Variants in TVP23A observed in about 807,000 individuals in gnomAD.
TVP23A encodes the protein trans-golgi network vesicle protein 23 homolog A, also known as Golgi apparatus membrane protein TVP23 homolog A.
TVP23A carries 21 observed loss-of-function variants against 31.7 expected under a neutral mutation model. The observed-to-expected ratio is 0.66, with a 90% CI of 0.47 to 0.95. TVP23A has a LOEUF of 0.95. Among genes scored for constraint, TVP23A ranks in the 40% least tolerant of loss-of-function variants. The probability of loss-of-function intolerance (pLI) is 0.00; values close to 1 mark genes in which losing one functional copy is unlikely to be tolerated. For synonymous variants in TVP23A, 104 were observed against 96.0 expected (o/e 1.08, Z -0.49); for missense variants, 279 against 255.6 (o/e 1.09, Z -0.62).
chr16:10,818,297 A>ACCCTCCGAGCTGGCGGGGC lies in TVP23A; in HGVS notation c.10-134_10-116dup. On this transcript the variant is annotated intron_variant, in intron 1 of 7. Transcript: ENST00000299866. This position sits in a 1 kb window ranked among gnomAD's most constrained non-coding sequence, Gnocchi z 4.7. ...TGCACCCCACCGGGTTCCCAAGTGG[A>ACCCTCCGAGCTGGCGGGGC]CCCTCCGAGCTGGCGGGGCCCCTCC... The ACCCTCCGAGCTGGCGGGGC allele has an allele frequency of 8.8e-7, 1 of 1,141,410 alleles. No homozygotes were observed. The highest frequency in any genetic ancestry group is 1.2e-6 in the Non-Finnish European group (1 of 834,814). The allele number at this position is 1,141,410 out of a possible 1,614,324, so 70.7% of individuals were successfully genotyped here. A position where few individuals can be genotyped will look rare whatever the true frequency, so the allele number is the denominator to read the frequency against.
rs1300315674 is a variant in TVP23A at position 10,770,346 on chromosome 16, G to C, written c.583-15C>G. On this transcript the variant is annotated splice_polypyrimidine_tract_variant and intron_variant, in intron 6 of 7. Transcript: ENST00000299866. ...CCTGGGCAGGCCTGCAAGGGGAAAA[G>C]TCAACCATGGTTTTCTGTCCTTACA... is the stretch of plus-strand genomic sequence containing the variant. 3 of 1,550,552 alleles carry C rather than the reference G, an allele frequency of 1.9e-6. No individual in the cohort carries two copies. Among genetic ancestry groups the C allele is most frequent in the Non-Finnish European group, 2.6e-6 (3 of 1,146,762 alleles).
rs60187049 is a variant in TVP23A at position 10,818,711 on chromosome 16, C to A, written c.-218G>T. On this transcript the variant is annotated 5_prime_UTR_variant, in exon 1 of 8. Coordinates refer to ENST00000299866, the MANE Select transcript of TVP23A (RefSeq NM_001079512.4). The surrounding 1 kb of genome is among the most constrained non-coding windows in gnomAD (Gnocchi z 4.7). Reference sequence around the variant, plus strand: ...GTCGCAGGCTGGGGAGGGGGCTCGGCTCGCCGGGGACGCGCCCAGGAGAGA... The same window carrying A: ...GTCGCAGGCTGGGGAGGGGGCTCGGATCGCCGGGGACGCGCCCAGGAGAGA... 1,891 of 527,100 alleles carry A rather than the reference C, an allele frequency of 3.6e-3. 29 individuals carry two copies. The highest frequency in any genetic ancestry group is 0.035 in the African/African-American group (1,703 of 49,288). 32.7% of individuals were successfully genotyped at this position (527,100 alleles called of 1,614,324 possible).
intron 2 of TVP23A, among the ~76,000 whole-genome samples, chr16:10,776,751 G>A (rs1441789935): frequency 6.6e-6 from 1 of 152,176 alleles, no homozygotes; most frequent in Non-Finnish European, 1.5e-5. Flanking sequence ...GCTGCTGGTT[G>A]CCCATTTTTA....
chr16:10,774,268 T>A, intron 3 of TVP23A, 140 bp from the exon 4 acceptor site: 1 of 564,270 alleles, frequency 1.8e-6, no homozygotes, highest in Non-Finnish European at 3.1e-6. Flanking sequence ...TGTAGTGGAT[T>A]CTCAGATGTC....
intron 2 of TVP23A, among the ~76,000 whole-genome samples, chr16:10,796,591 C>A (rs2033401905): frequency 1.3e-5 from 2 of 151,992 alleles, no homozygotes; most frequent in African/African-American, 4.8e-5. Context: ...CACGACCATG[C>A]CCAGCTAATA....
intron 4 of TVP23A, 37 bp from the exon 5 acceptor site, chr16:10,773,478 G>A (rs1293641580): frequency 1.3e-6 from 2 of 1,550,524 alleles, no homozygotes. Flanking sequence ...CAAAACAAGT[G>A]GAAATGGTTG....
In TVP23A at chr16:10,775,082, G is replaced by A. The variant is rs77016634; in HGVS notation, c.104C>T (p.Thr35Ile). 1 of 1,609,200 alleles carries A rather than the reference G, an allele frequency of 6.2e-7. No homozygotes were observed. The highest frequency in any genetic ancestry group is 8.5e-7 in the Non-Finnish European group (1 of 1,177,854). ...CACTCGGAAAAACAGGTGGAAAAAG[G>A]TGGCCAAGGGGTGTCTAGGAAAGGA... ...RKAKIRHPLA[T>I]FFHLFFRVSA... is the part of the protein sequence containing the mutation. Residue 35 changes from threonine (T) to isoleucine (I), a missense_variant, in exon 3 of 8, where the codon ACC becomes ATC. Thr to Ile is a moderately conservative substitution (Grantham distance 89). Transcript: ENST00000299866.
downstream of TVP23A, chr16:10,761,835 A>G: frequency 1.2e-6 from 2 of 1,614,090 alleles, no homozygotes; most frequent in East Asian, 2.2e-5. Flanking sequence ...TCTCCTCGGC[A>G]GAGTGCCCCT....
chr16:10,773,418 G>A lies in TVP23A; in HGVS notation c.348C>T (p.Ala116=), dbSNP rs1457155947. Residue 116 remains alanine (A), a synonymous_variant, in exon 5 of 8, where the codon GCC becomes GCT. Coordinates refer to ENST00000299866, the MANE Select transcript of TVP23A (RefSeq NM_001079512.4). ...ARKVSPNSIA[A]TEAEARIFWL... is the part of the protein sequence containing the mutation. The stretch of plus-strand genomic sequence containing the variant: ...AGAAGATTCGTGCTTCAGCTTCTGT[G>A]GCAGCAATGCTATTCGGAGAGACCT... 3 of 1,609,476 alleles carry A rather than the reference G, an allele frequency of 1.9e-6. No homozygotes were observed. Among genetic ancestry groups the A allele is most frequent in the Admixed American group, 1.7e-5 (1 of 58,614 alleles).
chr16:10,776,885 G>A (rs986030210), intron 2 of TVP23A, among the ~76,000 whole-genome samples: 3 of 152,170 alleles, frequency 2.0e-5, no homozygotes, highest in Non-Finnish European at 4.4e-5. Context: ...GCTGGTGGGA[G>A]TGTAGCAGTG....
intron 2 of TVP23A, among the ~76,000 whole-genome samples, chr16:10,817,263 A>G (rs2034485508): frequency 6.6e-6 from 1 of 152,218 alleles, no homozygotes; most frequent in Non-Finnish European, 1.5e-5. Flanking sequence ...AATACAGTCT[A>G]TTACTTTCTG....
Position 10,768,265 on chromosome 16 carries a change from T to A in TVP23A, c.*837A>T. On this transcript the variant is annotated 3_prime_UTR_variant, in exon 8 of 8. Coordinates refer to ENST00000299866, the MANE Select transcript of TVP23A (RefSeq NM_001079512.4). The surrounding 1 kb of genome is among the most constrained non-coding windows in gnomAD (Gnocchi z 4.3). ...TGAAATTTATGGCTTAGGAAATACA[T>A]CCCAATAAAGGGATAAAGTAATTCA... is the stretch of plus-strand genomic sequence containing the variant. 2.9e-6 allele frequency: 1 copy of A among 349,894 alleles called. No homozygotes were observed. The highest frequency in any genetic ancestry group is 5.2e-5 in the South Asian group (1 of 19,366). 21.7% of individuals were successfully genotyped at this position (349,894 alleles called of 1,614,324 possible).
At chr16:10,796,807 CAAAT>C (rs995671828) in intron 2 of TVP23A, among the ~76,000 whole-genome samples, 22 of 152,232 alleles carry the variant, frequency 1.4e-4, no homozygotes, top group African/African-American at 5.1e-4. Flanking sequence ...AGTTACGACT[CAAAT>C]GAATAAGCTG....
chr16:10,813,524 G>T (rs146048166), intron 2 of TVP23A, among the ~76,000 whole-genome samples: 1 of 152,160 alleles, frequency 6.6e-6, no homozygotes, highest in Non-Finnish European at 1.5e-5. Flanking sequence ...CAGAGAGATC[G>T]CTTGAGTCCA....
chr16:10,803,245 C>CTGTGTGTGTGTGTG (rs3040297), intron 2 of TVP23A, among the ~76,000 whole-genome samples: 3,884 of 135,342 alleles, frequency 0.029, 215 homozygotes, highest in African/African-American at 0.089. Flanking sequence ...GATCGCGCCA[C>CTGTGTGTGTGTGTG]TGTGTGTGTG....
rs755818192 is a variant in TVP23A, at chr16:10,773,415, T to C, written c.351A>G (p.Thr117=). The C allele has an allele frequency of 1.9e-6, 3 of 1,609,926 alleles. No homozygotes were observed. Among genetic ancestry groups the C allele is most frequent in the Middle Eastern group, 1.7e-4 (1 of 6,048 alleles). The part of the protein sequence containing the change: ...RKVSPNSIAA[T]EAEARIFWLG... ...GCCAGAAGATTCGTGCTTCAGCTTCTGTGGCAGCAATGCTATTCGGAGAGA... is the reference window on the plus strand; with the variant it reads ...GCCAGAAGATTCGTGCTTCAGCTTCCGTGGCAGCAATGCTATTCGGAGAGA... Residue 117 remains threonine, a synonymous_variant, in exon 5 of 8, where the codon ACA becomes ACG. Transcript: ENST00000299866.
downstream of TVP23A, among the ~76,000 whole-genome samples, chr16:10,758,243 G>T (rs956713658): frequency 6.6e-6 from 1 of 152,184 alleles, no homozygotes; most frequent in Non-Finnish European, 1.5e-5. Flanking sequence ...GGCTGAGATG[G>T]GAGGATCACT....
chr16:10,818,651 T>C lies in TVP23A; in HGVS notation c.-158A>G. The C allele has an allele frequency of 1.1e-6, 1 of 927,538 alleles. No individual in the cohort carries two copies. Among genetic ancestry groups the C allele is most frequent in the South Asian group, 2.1e-5 (1 of 48,092 alleles). 57.5% of individuals were successfully genotyped at this position (927,538 alleles called of 1,614,324 possible). A position where few individuals can be genotyped will look rare whatever the true frequency, so the allele number is the denominator to read the frequency against. ...TGTGGGGCAGCCTCAGCGCAGCTTC[T>C]CGGGTGGGGCGGGGCGCTCGGGGCC... On this transcript the variant is annotated 5_prime_UTR_variant, in exon 1 of 8. Transcript: ENST00000299866. The surrounding 1 kb of genome is among the most constrained non-coding windows in gnomAD (Gnocchi z 4.7).
intron 2 of TVP23A, among the ~76,000 whole-genome samples, chr16:10,798,206 G>A (rs572627865): frequency 1.4e-3 from 206 of 151,866 alleles, no homozygotes; most frequent in East Asian, 6.2e-3. Context: ...TTATCTGCCC[G>A]CCTTGGCCTC....
Sources: allele counts gnomAD v4.1 joint callset (sites outside exome capture counted in the v4.1 genomes callset), GRCh38; gene constraint gnomAD v4.1.1; non-coding constraint Gnocchi (gnomAD v3.1); transcripts MANE v1.5; gene names NCBI Gene and HGNC (gene_info 2026-07-23, HGNC 2026-07-21).